GNPDA2: variants seen among roughly 807,000 people sequenced by gnomAD.
The protein encoded by GNPDA2 is glcN6P deaminase 2.
A neutral mutation model predicts 27.0 loss-of-function variants in GNPDA2; 24 were observed. The observed-to-expected ratio is 0.89, with a 90% CI of 0.64 to 1.25. GNPDA2 has a LOEUF of 1.25. GNPDA2 is among the 50% of genes most tolerant of loss of function. The pLI, the probability that GNPDA2 is intolerant of heterozygous loss-of-function variation, is 0.00. For synonymous variants in GNPDA2, 94 were observed against 108.4 expected, an observed-to-expected ratio of 0.87 and a Z score of 0.83; for missense variants, 286 against 335.1, an observed-to-expected ratio of 0.85 and a Z score of 1.14.
intron 4 of GNPDA2, among the ~76,000 whole-genome samples, chr4:44,716,414 ATTC>A (rs1717287424): frequency 1.3e-5 from 2 of 152,052 alleles, no homozygotes; most frequent in South Asian, 4.1e-4. Context: ...ATGTTGAACT[ATTC>A]TTATAGCAAT....
At chr4:44,714,096 C>T (rs1306103427) in intron 4 of GNPDA2, among the ~76,000 whole-genome samples, 2 of 151,918 alleles carry the variant, frequency 1.3e-5, no homozygotes, top group Non-Finnish European at 2.9e-5. Context: ...CTCAGCCTCC[C>T]GAGTAGCTGG....
intron 4 of GNPDA2, among the ~76,000 whole-genome samples, chr4:44,715,775 C>G (rs1181518260): frequency 6.6e-6 from 1 of 151,974 alleles, no homozygotes; most frequent in South Asian, 2.1e-4. Flanking sequence ...AACTTGGTTT[C>G]TTGCTCCAAT....
chr4:44,702,890 A>G lies in GNPDA2; in HGVS notation c.*191T>C. 1 of 1,409,360 alleles carries G rather than the reference A, an allele frequency of 7.1e-7. No homozygotes were observed. Among genetic ancestry groups the G allele is most frequent in the Non-Finnish European group, 9.2e-7 (1 of 1,091,234 alleles). The allele number at this position is 1,409,360 out of a possible 1,614,324, so 87.3% of individuals were successfully genotyped here. ...AAATAGCCAGTCAATCTTGAGAGCC[A>G]GCTACTTCTCTTAAACCCAAGTACA... On this transcript the variant is annotated 3_prime_UTR_variant, in exon 7 of 7. Coordinates refer to ENST00000295448, the MANE Select transcript of GNPDA2 (RefSeq NM_138335.3).
At chr4:44,711,407 GCAT>G (rs910083118) in intron 4 of GNPDA2, among the ~76,000 whole-genome samples, 6 of 152,148 alleles carry the variant, frequency 3.9e-5, no homozygotes, top group African/African-American at 7.2e-5. Context: ...CCTTTCACAT[GCAT>G]CATCACAACA....
chr4:44,725,579 G>A (rs1395826858), intron 1 of GNPDA2, among the ~76,000 whole-genome samples: 1 of 152,048 alleles, frequency 6.6e-6, no homozygotes, highest in Non-Finnish European at 1.5e-5. Flanking sequence ...CAAGGTACAG[G>A]CAACTTTTTG....
At chr4:44,713,590 CACT>C (rs1717102616) in intron 4 of GNPDA2, among the ~76,000 whole-genome samples, 1 of 152,076 alleles carries the variant, frequency 6.6e-6, no homozygotes, top group Admixed American at 6.6e-5. Context: ...TTTTTAAAAA[CACT>C]ATTAGGCCGG....
rs1716352146 is a variant in GNPDA2 at position 44,702,712 on chromosome 4, GTGTCT to G, written c.*364_*368del. On this transcript the variant is annotated 3_prime_UTR_variant, in exon 7 of 7. Transcript: ENST00000295448. The stretch of plus-strand genomic sequence containing the variant: ...TAGTTTGTTATCTGAAAGGTTTGGA[GTGTCT>G]TGTCATTAAAAAATGAAATATACGC... 3.8e-6 allele frequency: 4 copies of G among 1,055,524 alleles called. No homozygotes were observed. The highest frequency in any genetic ancestry group is 4.6e-6 in the Non-Finnish European group (4 of 875,934). 65.4% of individuals were successfully genotyped at this position (1,055,524 alleles called of 1,614,324 possible). A position where few individuals can be genotyped will look rare whatever the true frequency, so the allele number is the denominator to read the frequency against.
At chr4:44,710,713 G>A (rs1279871858) in intron 5 of GNPDA2, among the ~76,000 whole-genome samples, 1 of 152,114 alleles carries the variant, frequency 6.6e-6, no homozygotes, top group Non-Finnish European at 1.5e-5. Flanking sequence ...GCAGGAATAG[G>A]CAAGTGAAAT....
Position 44,703,936 on chromosome 4 carries a change from T to G in GNPDA2, c.770-794A>C, listed in dbSNP as rs982559234. The stretch of plus-strand genomic sequence containing the variant: ...TATTTTGGAGGGTAAAGAAATGAGT[T>G]AAGTTTTCCAGGTATTAAGAACATG... On this transcript the variant is annotated intron_variant, in intron 6 of 6. Coordinates refer to ENST00000295448, the MANE Select transcript of GNPDA2 (RefSeq NM_138335.3). 6 of 984,960 alleles carry G rather than the reference T, an allele frequency of 6.1e-6. No homozygotes were observed. The African/African-American group carries it at 1.0e-4, about 17-fold the overall frequency. 61.0% of individuals were successfully genotyped at this position (984,960 alleles called of 1,614,324 possible).
rs770857051 is a variant in GNPDA2, at chr4:44,711,001, T to TG, written c.545dup (p.Thr183AsnfsTer15). On this transcript the variant is annotated frameshift_variant, in exon 5 of 7. Coordinates refer to ENST00000295448, the MANE Select transcript of GNPDA2 (RefSeq NM_138335.3). LOFTEE classifies it high-confidence loss of function. ...CCACACCAACAGTTAGAGCCATAGT[T>TG]GGCACTTTTGATAAATCTCCATCAA... 1.9e-6 allele frequency: 3 copies of TG among 1,612,828 alleles called. No homozygotes were observed. Among genetic ancestry groups the TG allele is most frequent in the Non-Finnish European group, 1.7e-6 (2 of 1,179,444 alleles).
At chr4:44,706,730 C>T (rs969385161) in intron 6 of GNPDA2, 25 of 151,790 alleles carry the variant, frequency 1.6e-4, no homozygotes, top group African/African-American at 4.4e-4. Context: ...GCAAGATCAA[C>T]GTGTATTAGA....
Position 44,702,418 on chromosome 4 carries a change from G to C in GNPDA2, c.*663C>G. On this transcript the variant is annotated 3_prime_UTR_variant, in exon 7 of 7. Transcript: ENST00000295448. Reference sequence around the variant, plus strand: ...TATATTAGGGACATGAACCCAAGTCGTTAAATAAAAATAAGATATTTGTAA... The same window carrying C: ...TATATTAGGGACATGAACCCAAGTCCTTAAATAAAAATAAGATATTTGTAA... 3 of 975,524 alleles carry C rather than the reference G, an allele frequency of 3.1e-6. No individual in the cohort carries two copies. Among genetic ancestry groups the C allele is most frequent in the Non-Finnish European group, 3.7e-6 (3 of 820,778 alleles). 60.4% of individuals were successfully genotyped at this position (975,524 alleles called of 1,614,324 possible). A position where few individuals can be genotyped will look rare whatever the true frequency, so the allele number is the denominator to read the frequency against.
chr4:44,726,016 G>A (rs911466028), intron 1 of GNPDA2, among the ~76,000 whole-genome samples: 15 of 152,152 alleles, frequency 9.9e-5, no homozygotes, highest in Non-Finnish European at 2.2e-4. Flanking sequence ...TGTCCTGAAA[G>A]CGTAAGGGTG....
intron 5 of GNPDA2, among the ~76,000 whole-genome samples, chr4:44,708,736 T>C (rs920634466): frequency 1.3e-5 from 2 of 152,156 alleles, no homozygotes; most frequent in African/African-American, 4.8e-5. Context: ...TTAAACTTTT[T>C]TTCCTCATTA....
In GNPDA2 at chr4:44,707,785, C is replaced by A; in HGVS notation, c.736G>T (p.Glu246Ter). 6.2e-7 allele frequency: 1 copy of A among 1,613,224 alleles called. No individual in the cohort carries two copies. Among genetic ancestry groups the A allele is most frequent in the Non-Finnish European group, 8.5e-7 (1 of 1,179,576 alleles). The change falls in exon 6 of 7, where the codon GAA becomes TAA. Residue 246 changes from glutamate to a stop codon, truncating the protein, a stop_gained. Coordinates refer to ENST00000295448, the MANE Select transcript of GNPDA2 (RefSeq NM_138335.3). LOFTEE classifies it high-confidence loss of function. ...TATTTCACAGTTTTAACTCTTAATTCTAAAGTAGCATCTTCATCGCATACA... is the reference window on the plus strand; with the variant it reads ...TATTTCACAGTTTTAACTCTTAATTATAAAGTAGCATCTTCATCGCATACA... Reference protein sequence around the residue: ...IFVCDEDATLELRVKTVKYFK... With the variant: ...IFVCDEDATL
intron 6 of GNPDA2, chr4:44,703,939 G>C (rs908174266): frequency 2.0e-6 from 2 of 984,802 alleles, no homozygotes; most frequent in East Asian, 1.1e-4. Flanking sequence ...AATGAGTTAA[G>C]TTTTCCAGGT....
chr4:44,723,881 C>T (rs7673677), intron 1 of GNPDA2, among the ~76,000 whole-genome samples: 4,289 of 152,132 alleles, frequency 0.028, 196 homozygotes, highest in African/African-American at 0.099. Context: ...TTTTGAGGTC[C>T]CTTATCGGTT....
intron 3 of GNPDA2, among the ~76,000 whole-genome samples, chr4:44,717,567 G>T (rs150493384): frequency 2.0e-5 from 3 of 151,722 alleles, no homozygotes; most frequent in Non-Finnish European, 4.4e-5. Flanking sequence ...CCCATAGTTC[G>T]CAAAGGAGTT....
In GNPDA2 at chr4:44,722,131, T is replaced by C. The variant is rs1717709941; in HGVS notation, c.77A>G (p.Gln26Arg). ...AAKYICNRII[Q>R]FKPGQDRYFT... ...ATATCTGTCCTGTCCAGGTTTGAAC[T>C]GAATGATGCGATTACAGATGTATTT... The change falls in exon 2 of 7, where the codon CAG (glutamine) becomes CGG (arginine). Residue 26 changes from glutamine (Q) to arginine (R), a missense_variant. Transcript: ENST00000295448. 6.2e-7 allele frequency: 1 copy of C among 1,613,446 alleles called. No homozygotes were observed. Among genetic ancestry groups the C allele is most frequent in the Non-Finnish European group, 8.5e-7 (1 of 1,179,588 alleles).
Sources: allele counts gnomAD v4.1 joint callset (sites outside exome capture counted in the v4.1 genomes callset), GRCh38; gene constraint gnomAD v4.1.1; transcripts MANE v1.5; gene names NCBI Gene and HGNC (gene_info 2026-07-23, HGNC 2026-07-21).